The following AMOT variants were observed in gnomAD, a reference collection of about 807,000 sequenced individuals.
AMOT encodes angiomotin.
Under a neutral mutation model 67.0 loss-of-function variants are expected in AMOT, and 11 were observed. The observed-to-expected ratio is 0.16, with a 90% CI of 0.10 to 0.27. The LOEUF is 0.27. Among genes scored for constraint, AMOT ranks in the 10% least tolerant of loss-of-function variants. AMOT has a pLI of 1.00. For missense variants in AMOT, 753 were observed against 852.0 expected, an observed-to-expected ratio of 0.88 and a Z score of 1.45; for synonymous variants, 326 against 321.4, an observed-to-expected ratio of 1.01 and a Z score of -0.15.
At chrX:112,804,648 C>T (rs1934113290) in intron 8 of AMOT, among the ~76,000 whole-genome samples, 1 of 111,722 alleles carries the variant, frequency 9.0e-6, no homozygotes, top group Admixed American at 9.5e-5. Context: ...TATGGTACGG[C>T]TAGGTATATA....
intron 4 of AMOT, among the ~76,000 whole-genome samples, chrX:112,817,533 A>G (rs1934600380): frequency 8.9e-6 from 1 of 111,736 alleles, no homozygotes; most frequent in Non-Finnish European, 1.9e-5. Context: ...GATCTTAACT[A>G]TAAGGGCTTT....
At chrX:112,839,459 T>C (rs1935231287) in intron 1 of AMOT, among the ~76,000 whole-genome samples, 1 of 111,434 alleles carries the variant, frequency 9.0e-6, no homozygotes, top group Non-Finnish European at 1.9e-5. Context: ...GAGAAGAGGG[T>C]TATATTCATA....
chrX:112,809,437 C>T (rs762431715), intron 7 of AMOT, among the ~76,000 whole-genome samples: 1 of 111,316 alleles, frequency 9.0e-6, no homozygotes, highest in Non-Finnish European at 1.9e-5. Context: ...ATTAGCTCCC[C>T]TTGCAATCTG....
intron 12 of AMOT, among the ~76,000 whole-genome samples, chrX:112,780,128 G>A (rs1053081435): frequency 2.7e-5 from 3 of 112,073 alleles, no homozygotes; most frequent in East Asian, 2.8e-4. Flanking sequence ...AGGATCTGGG[G>A]AAGAAGTCTG....
At chrX:112,811,505 GC>G in intron 5 of AMOT, 112 bp from the exon 6 acceptor site, 1 of 854,293 alleles carries the variant, frequency 1.2e-6, no homozygotes, top group Non-Finnish European at 1.7e-6. Context: ...CTCACAGATG[GC>G]CAGGAGGCAA....
chrX:112,801,107 G>A (rs762750090), intron 8 of AMOT, among the ~76,000 whole-genome samples: 39 of 111,335 alleles, frequency 3.5e-4, no homozygotes, highest in Non-Finnish European at 5.8e-4. Context: ...TACCCAAGCC[G>A]CTTCCACTCC....
chrX:112,790,102 T>C (rs890151501), intron 10 of AMOT, among the ~76,000 whole-genome samples: 1 of 104,299 alleles, frequency 9.6e-6, no homozygotes, highest in African/African-American at 3.5e-5. Context: ...GGCCTTCAAA[T>C]ATTGACCTTC....
chrX:112,823,114 C>T lies in AMOT; in HGVS notation c.13G>A (p.Glu5Lys). Residue 5 changes from glutamate (E) to lysine (K), a missense_variant, in exon 4 of 14, where the codon GAA (glutamate) becomes AAA (lysine). By Grantham distance (56) the Glu-to-Lys change is moderately conservative (BLOSUM62 1). Around this residue, in one of 5 missense-constraint regions of AMOT, gnomAD observed 118 missense variants for 125.9 expected, o/e 0.94. Coordinates refer to ENST00000371959, the MANE Select transcript of AMOT (RefSeq NM_001113490.2). MRNS[E>K]EQPSGGTTVL... ...GTGGTCCCTCCACTTGGCTGTTCTT[C>T]AGAATTTCTCATCTCTATTGCTGGT... The T allele has an allele frequency of 8.7e-7, 1 of 1,156,007 alleles. No homozygotes were observed. Among genetic ancestry groups the T allele is most frequent in the South Asian group, 2.0e-5 (1 of 50,672 alleles).
intron 2 of AMOT, among the ~76,000 whole-genome samples, chrX:112,828,789 T>A (rs755893642): frequency 2.6e-3 from 286 of 112,105 alleles, no homozygotes; most frequent in African/African-American, 9.2e-3. Flanking sequence ...TCTAGCATTA[T>A]TTGCTTGTAC....
At chrX:112,797,145 T>C (rs948336750) in intron 8 of AMOT, among the ~76,000 whole-genome samples, 1 of 111,177 alleles carries the variant, frequency 9.0e-6, no homozygotes, top group Non-Finnish European at 1.9e-5. Context: ...CAAAATGTCA[T>C]CCTTTTGATA....
rs781076606 is a variant in AMOT at position 112,779,245 on chromosome X, T to C, written c.2909A>G (p.Gln970Arg). Reference protein sequence around the residue: ...APSAAAAAAVQVAPAAPAPVP... With the variant: ...APSAAAAAAVRVAPAAPAPVP... ...TGGAGCCGGAGCAGCTGGAGCAACCTGAACAGCAGCAGCAGCAGCAGCAGA... is the reference window on the plus strand; with the variant it reads ...TGGAGCCGGAGCAGCTGGAGCAACCCGAACAGCAGCAGCAGCAGCAGCAGA... The change falls in exon 13 of 14, where the codon CAG becomes CGG. Residue 970 changes from glutamine (Q) to arginine (R), a missense_variant. By Grantham distance (43) the Gln-to-Arg change is conservative. Coordinates refer to ENST00000371959, the MANE Select transcript of AMOT (RefSeq NM_001113490.2). The C allele has an allele frequency of 7.1e-5, 47 of 659,696 alleles. No homozygotes were observed. In the South Asian group the frequency reaches 1.0e-3, roughly 15 times the overall value. The allele number at this position is 659,696 out of a possible 1,213,427, so 54.4% of individuals were successfully genotyped here.
intron 10 of AMOT, among the ~76,000 whole-genome samples, chrX:112,789,320 G>A (rs1002097668): frequency 6.3e-5 from 7 of 111,594 alleles, no homozygotes; most frequent in African/African-American, 1.6e-4. Flanking sequence ...TCTTCTGGCA[G>A]AGCTGGGGCT....
rs757992001 is a variant in AMOT at position 112,822,363 on chromosome X, T to G, written c.764A>C (p.Lys255Thr). The G allele has an allele frequency of 1.7e-6, 2 of 1,162,962 alleles. No homozygotes were observed. The highest frequency in any genetic ancestry group is 3.6e-5 in the African/African-American group (2 of 55,767). Reference protein sequence around the residue: ...KGMPPQSVVCKPQEPGHFYSE... With the variant: ...KGMPPQSVVCTPQEPGHFYSE... ...ATAGAAGTGCCCTGGCTCTTGGGGC[T>G]TGCACACTACAGATTGGGGTGGCAT... Residue 255 changes from lysine to threonine, a missense_variant, in exon 4 of 14, where the codon AAG becomes ACG. Coordinates refer to ENST00000371959, the MANE Select transcript of AMOT (RefSeq NM_001113490.2).
chrX:112,780,768 C>T, intron 12 of AMOT, 118 bp downstream of exon 12: 1 of 780,855 alleles, frequency 1.3e-6, no homozygotes, highest in South Asian at 2.7e-5. Flanking sequence ...ACTCCAAAAC[C>T]CTGGTACACC....
chrX:112,834,740 G>A (rs1269543003), intron 1 of AMOT, among the ~76,000 whole-genome samples: 4 of 112,784 alleles, frequency 3.5e-5, no homozygotes, highest in East Asian at 2.8e-4. Flanking sequence ...CCCTTAAAAC[G>A]TGCATGCGCA....
At chrX:112,819,822 T>A (rs1220677598) in intron 4 of AMOT, among the ~76,000 whole-genome samples, 2 of 112,823 alleles carry the variant, frequency 1.8e-5, no homozygotes, top group Non-Finnish European at 3.7e-5. Flanking sequence ...AATGTTTTCT[T>A]AACAGCAATT....
rs143863010 is a variant in AMOT at position 112,780,385 on chromosome X, C to T, written c.2473+501G>A. On this transcript the variant is annotated intron_variant, in intron 12 of 13. Transcript: ENST00000371959. Reference sequence around the variant, plus strand: ...TTAGAGGGGAGGGAATGGACAGGAACGGAATGAAAAAGTACATTCTGTTCT... The same window carrying T: ...TTAGAGGGGAGGGAATGGACAGGAATGGAATGAAAAAGTACATTCTGTTCT... 467 of 117,321 alleles carry T rather than the reference C, an allele frequency of 4.0e-3. 4 individuals are homozygous for T. The highest frequency in any genetic ancestry group is 0.014 in the African/African-American group (421 of 31,142). The allele number at this position is 117,321 out of a possible 1,213,427, so 9.7% of individuals were successfully genotyped here. A position where few individuals can be genotyped will look rare whatever the true frequency, so the allele number is the denominator to read the frequency against.
At chrX:112,804,898 T>TACCCCC in intron 8 of AMOT, 49 bp downstream of exon 8, 65 of 837,534 alleles carry the variant, frequency 7.8e-5, no homozygotes, top group East Asian at 3.4e-4. Flanking sequence ...GTCCCCGATT[T>TACCCCC]CCCAGCCCTC....
Position 112,822,235 on chromosome X carries a change from C to T in AMOT, c.872+20G>A. ...GGTTGGGGATGAGGTCAGGAAATGACAGAAACAGAACTCTCTTACCTGGCT... is the reference window on the plus strand; with the variant it reads ...GGTTGGGGATGAGGTCAGGAAATGATAGAAACAGAACTCTCTTACCTGGCT... On this transcript the variant is annotated intron_variant, in intron 4 of 13. Coordinates refer to ENST00000371959, the MANE Select transcript of AMOT (RefSeq NM_001113490.2). 1 of 1,083,533 alleles carries T rather than the reference C, an allele frequency of 9.2e-7. No individual in the cohort carries two copies. Among genetic ancestry groups the T allele is most frequent in the South Asian group, 2.7e-5 (1 of 37,437 alleles). The allele number at this position is 1,083,533 out of a possible 1,213,427, so 89.3% of individuals were successfully genotyped here.
Sources: gnomAD v4.1 joint callset for allele counts (sites outside exome capture counted in the v4.1 genomes callset) on GRCh38, gnomAD v4.1.1 for gene constraint, gnomAD v4.1.1 regional missense constraint, MANE v1.5 for transcripts, NCBI Gene and HGNC (gene_info 2026-07-23, HGNC 2026-07-21) for gene names.